The following ZMYM5 variants were observed in gnomAD, a reference collection of about 807,000 sequenced individuals.
ZMYM5 encodes the protein zinc finger MYM-type containing 5.
In ZMYM5, 41 loss-of-function variants were observed where a neutral mutation model predicts 61.8. That is an observed-to-expected ratio of 0.66 (90% CI 0.52 to 0.86). ZMYM5 has a LOEUF of 0.86. Ranked by LOEUF, ZMYM5 falls within the 40% of genes least tolerant of loss-of-function variation. The pLI, the probability that ZMYM5 is intolerant of heterozygous loss-of-function variation, is 0.00. For missense variants in ZMYM5, 706 were observed against 786.7 expected (o/e 0.90, Z 1.23); for synonymous variants, 257 against 276.4 (o/e 0.93, Z 0.70).
intron 2 of ZMYM5, among the ~76,000 whole-genome samples, chr13:19,855,409 C>T (rs1239512592): frequency 1.3e-5 from 2 of 151,878 alleles, no homozygotes; most frequent in African/African-American, 4.8e-5. Flanking sequence ...ACTACAGGTG[C>T]CTGTCACCAC....
chr13:19,850,405 G>A (rs1953244469), intron 4 of ZMYM5, among the ~76,000 whole-genome samples: 1 of 152,062 alleles, frequency 6.6e-6, no homozygotes, highest in African/African-American at 2.4e-5. Flanking sequence ...TTTGAGACCA[G>A]CCTGGCCAAC....
Position 19,824,425 on chromosome 13 carries a change from T to C in ZMYM5, c.*52A>G. 1 of 1,252,564 alleles carries C rather than the reference T, an allele frequency of 8.0e-7. No individual in the cohort carries two copies. Among genetic ancestry groups the C allele is most frequent in the African/African-American group, 1.5e-5 (1 of 64,580 alleles). 77.6% of individuals were successfully genotyped at this position (1,252,564 alleles called of 1,614,324 possible). On this transcript the variant is annotated 3_prime_UTR_variant, in exon 8 of 8. Transcript: ENST00000337963. ...TACTGACTATTGCAGGACAGATGTT[T>C]TCTGAGTAATGTAAGATTCTGATCA...
intron 4 of ZMYM5, among the ~76,000 whole-genome samples, chr13:19,846,374 T>C (rs552591548): frequency 1.7e-3 from 255 of 152,098 alleles, no homozygotes; most frequent in African/African-American, 5.9e-3. Flanking sequence ...TTGAAAAAAA[T>C]GACAAACTAT....
At chr13:19,861,201 T>G (rs1953747400) in intron 2 of ZMYM5, among the ~76,000 whole-genome samples, 1 of 151,966 alleles carries the variant, frequency 6.6e-6, no homozygotes, top group South Asian at 2.1e-4. Flanking sequence ...CAGGCTGGAG[T>G]ATAGTGGTGT....
intron 6 of ZMYM5, 77 bp downstream of exon 6, chr13:19,837,577 GAA>G: frequency 1.2e-6 from 2 of 1,608,076 alleles, no homozygotes; most frequent in South Asian, 2.2e-5. Context: ...TTATGTAGAT[GAA>G]AGAGTACATA....
At chr13:19,859,473 G>A (rs1953644269) in intron 2 of ZMYM5, among the ~76,000 whole-genome samples, 1 of 152,018 alleles carries the variant, frequency 6.6e-6, no homozygotes, top group African/African-American at 2.4e-5. Context: ...CGCGATCTTG[G>A]CTCACTGCAA....
At chr13:19,839,541 T>C (rs908916507) in intron 4 of ZMYM5, among the ~76,000 whole-genome samples, 1 of 151,888 alleles carries the variant, frequency 6.6e-6, no homozygotes, top group Non-Finnish European at 1.5e-5. Flanking sequence ...CAGCTAAATT[T>C]TTTTTTCTAT....
chr13:19,840,957 C>A (rs189248383), intron 4 of ZMYM5, among the ~76,000 whole-genome samples: 10 of 148,252 alleles, frequency 6.7e-5, no homozygotes, highest in Non-Finnish European at 1.0e-4. Context: ...GATTACAGGC[C>A]TGAGCCACCG....
chr13:19,830,341 A>T (rs1419438934), intron 7 of ZMYM5, among the ~76,000 whole-genome samples: 2 of 152,170 alleles, frequency 1.3e-5, no homozygotes, highest in African/African-American at 4.8e-5. Context: ...TTCTGATTAT[A>T]CAGAAATATC....
intron 4 of ZMYM5, 64 bp downstream of exon 4, chr13:19,851,291 T>G: frequency 8.5e-7 from 1 of 1,180,200 alleles, no homozygotes; most frequent in Non-Finnish European, 1.2e-6. Flanking sequence ...GATATGAGCT[T>G]TACTAAAAAG....
intron 7 of ZMYM5, among the ~76,000 whole-genome samples, chr13:19,829,107 CAAACA>C (rs1453205562): frequency 9.2e-5 from 14 of 151,800 alleles, no homozygotes; most frequent in Admixed American, 9.2e-4. Flanking sequence ...CTGTCTCCAA[CAAACA>C]AAACAAAACA....
rs1473278185 is a variant in ZMYM5 at position 19,824,606 on chromosome 13, C to G, written c.1881G>C (p.Met627Ile). The change falls in exon 8 of 8, where the codon ATG becomes ATC. Residue 627 changes from methionine (M) to isoleucine (I), a missense_variant. Coordinates refer to ENST00000337963, the MANE Select transcript of ZMYM5 (RefSeq NM_001142684.2). ...AGTACTTAACACTATTGTTGACGTGCATTTCACTTTCTTCATGTTTACTAA... is the reference window on the plus strand; with the variant it reads ...AGTACTTAACACTATTGTTGACGTGGATTTCACTTTCTTCATGTTTACTAA... Reference protein sequence around the residue: ...HILSKHEESEMHVNNSVKYSK... With the variant: ...HILSKHEESEIHVNNSVKYSK... 1 of 1,312,982 alleles carries G rather than the reference C, an allele frequency of 7.6e-7. No individual in the cohort carries two copies. Among genetic ancestry groups the G allele is most frequent in the Non-Finnish European group, 1.0e-6 (1 of 994,186 alleles). The allele number at this position is 1,312,982 out of a possible 1,614,324, so 81.3% of individuals were successfully genotyped here. A position where few individuals can be genotyped will look rare whatever the true frequency, so the allele number is the denominator to read the frequency against.
chr13:19,829,928 T>C (rs547295137), intron 7 of ZMYM5, among the ~76,000 whole-genome samples: 4 of 152,308 alleles, frequency 2.6e-5, no homozygotes, highest in African/African-American at 9.6e-5. Flanking sequence ...ATGCTCACCA[T>C]ACACACTCAA....
intron 6 of ZMYM5, 27 bp downstream of exon 6, chr13:19,837,629 C>T: frequency 6.2e-7 from 1 of 1,600,680 alleles, no homozygotes; most frequent in Non-Finnish European, 8.5e-7. Context: ...TTAGCCTAAA[C>T]AACAACTTAG....
At chr13:19,840,530 C>T (rs1008579302) in intron 4 of ZMYM5, among the ~76,000 whole-genome samples, 3 of 152,180 alleles carry the variant, frequency 2.0e-5, no homozygotes, top group Non-Finnish European at 4.4e-5. Flanking sequence ...CATGCCATCA[C>T]ACCTGGCTAA....
At chr13:19,854,356 G>T (rs1880376610) in intron 2 of ZMYM5, among the ~76,000 whole-genome samples, 1 of 152,150 alleles carries the variant, frequency 6.6e-6, no homozygotes, top group African/African-American at 2.4e-5. Flanking sequence ...TGGGCGTGGT[G>T]GCTCACACCT....
chr13:19,829,207 C>T (rs1891080170), intron 7 of ZMYM5, among the ~76,000 whole-genome samples: 1 of 152,168 alleles, frequency 6.6e-6, no homozygotes, highest in Non-Finnish European at 1.5e-5. Flanking sequence ...ACCACCTCTA[C>T]CCATTTCCCC....
chr13:19,856,516 C>T (rs1331577743), intron 2 of ZMYM5, among the ~76,000 whole-genome samples: 1 of 151,546 alleles, frequency 6.6e-6, no homozygotes, highest in Non-Finnish European at 1.5e-5. Flanking sequence ...GATGCATGCC[C>T]GTAATCCCAG....
At chr13:19,845,301 T>C (rs1953036371) in intron 4 of ZMYM5, among the ~76,000 whole-genome samples, 1 of 152,196 alleles carries the variant, frequency 6.6e-6, no homozygotes, top group African/African-American at 2.4e-5. Flanking sequence ...GTCAACTATT[T>C]CCATAGTAAT....
Sources: gnomAD v4.1 joint callset for allele counts (sites outside exome capture counted in the v4.1 genomes callset) on GRCh38, gnomAD v4.1.1 for gene constraint, MANE v1.5 for transcripts, NCBI Gene and HGNC (gene_info 2026-07-23, HGNC 2026-07-21) for gene names.